The following PIGS variants were observed in gnomAD, a reference collection of about 807,000 sequenced individuals.
The protein encoded by PIGS is GPI-anchor transamidase component PIGS.
In PIGS, 37 loss-of-function variants were observed where a neutral mutation model predicts 58.2. The observed-to-expected ratio is 0.64, with a 90% CI of 0.49 to 0.84. PIGS has a LOEUF of 0.84. Ranked by LOEUF, PIGS falls within the 40% of genes least tolerant of loss-of-function variation. The pLI is 0.00. For missense variants in PIGS, 629 were observed against 710.8 expected (o/e 0.88, Z 1.31); for synonymous variants, 269 against 289.2 (o/e 0.93, Z 0.71).
Position 28,561,482 on chromosome 17 carries a change from C to G in PIGS, c.616G>C (p.Asp206His). Residue 206 changes from aspartate to histidine, a missense_variant, in exon 6 of 12, where the codon GAC becomes CAC. Transcript: ENST00000308360. The stretch of plus-strand genomic sequence containing the variant: ...CTCCACTTGTCCTCTGGAAGGTGGT[C>G]AGCCAGAGCAGCAGCAAGCACATCC... Reference protein sequence around the residue: ...TEDVLAAALADHLPEDKWSAE... With the variant: ...TEDVLAAALAHHLPEDKWSAE... The G allele has an allele frequency of 6.2e-7, 1 of 1,614,052 alleles. No homozygotes were observed. Among genetic ancestry groups the G allele is most frequent in the African/African-American group, 1.3e-5 (1 of 75,038 alleles).
chr17:28,571,133 C>T lies in PIGS; in HGVS notation c.90G>A (p.Leu30=). 2 of 1,613,928 alleles carry T rather than the reference C, an allele frequency of 1.2e-6. No homozygotes were observed. Among genetic ancestry groups the T allele is most frequent in the Non-Finnish European group, 1.7e-6 (2 of 1,180,036 alleles). ...ALFFAAVAIV[L]GLPLWWKTTE... ...TGGTCTTCCACCAGAGCGGTAGCCC[C>T]AGCACGATGGCCACCGCAGCGAAGA... Residue 30 remains leucine, a synonymous_variant, in exon 2 of 12, where the codon CTG becomes CTA. Transcript: ENST00000308360.
chr17:28,570,517 T>C (rs1016209917), intron 3 of PIGS, among the ~76,000 whole-genome samples: 3 of 152,204 alleles, frequency 2.0e-5, no homozygotes, highest in Non-Finnish European at 4.4e-5. Context: ...TCTCAAAATA[T>C]AATAAATAAA....
rs535456335 is a variant in PIGS, at chr17:28,564,485, G to A, written c.287-578C>T. 3.9e-5 allele frequency among the ~76,000 whole-genome samples: 6 copies of A among 152,076 alleles called. No homozygotes were observed. In the East Asian group the frequency reaches 7.7e-4, roughly 20 times the overall value. ...TCCCAGCACTTTGGGAGGCCAAGGCGGGTGGATCACCTGAGGTCAGGAGTT... is the reference window on the plus strand; with the variant it reads ...TCCCAGCACTTTGGGAGGCCAAGGCAGGTGGATCACCTGAGGTCAGGAGTT... On this transcript the variant is annotated intron_variant, in intron 3 of 11. Coordinates refer to ENST00000308360, the MANE Select transcript of PIGS (RefSeq NM_033198.4).
chr17:28,561,280 AT>A (rs2070362903), intron 6 of PIGS, 141 bp downstream of exon 6: 5 of 500,420 alleles, frequency 1.0e-5, no homozygotes, highest in African/African-American at 4.0e-5. Flanking sequence ...AAAAAAAATA[AT>A]AATAATAATA....
chr17:28,560,570 G>C (rs2070357544), intron 6 of PIGS, among the ~76,000 whole-genome samples: 1 of 152,006 alleles, frequency 6.6e-6, no homozygotes. Flanking sequence ...TTGAGGTTGG[G>C]ATTTCAAGAC....
rs1322435381 is a variant in PIGS at position 28,571,165 on chromosome 17, C to G, written c.58G>C (p.Ala20Pro). 6.2e-7 allele frequency: 1 copy of G among 1,613,428 alleles called. No homozygotes were observed. Among genetic ancestry groups the G allele is most frequent in the Non-Finnish European group, 8.5e-7 (1 of 1,179,968 alleles). ...HLEVARGKRA[A>P]LFFAAVAIVL... ...ATGGCCACCGCAGCGAAGAAGAGGG[C>G]GGCGCGCTTGCCCCGGGCCACCTCT... Residue 20 changes from alanine to proline, a missense_variant, in exon 2 of 12, where the codon GCC becomes CCC. Physicochemically the swap from Ala to Pro is conservative, Grantham distance 27 (BLOSUM62 -1). Transcript: ENST00000308360.
In PIGS at chr17:28,571,469, G is replaced by C. The variant is rs2070430505; in HGVS notation, c.28C>G (p.His10Asp). The change falls in exon 1 of 12, where the codon CAC (histidine) becomes GAC (aspartate). Residue 10 changes from histidine to aspartate, a missense_variant. Coordinates refer to ENST00000308360, the MANE Select transcript of PIGS (RefSeq NM_033198.4). ...CACCCGAAGCCCACCGCACCTAGGT[G>C]TGTAGCCGCAGCCCCGGCGGCCGCC... MAAAGAAAT[H>D]LEVARGKRAA... The C allele has an allele frequency of 6.2e-7, 1 of 1,609,902 alleles. No homozygotes were observed.
chr17:28,561,664 C>G (rs1421945907), intron 5 of PIGS, 35 bp from the exon 6 acceptor site: 1 of 1,576,910 alleles, frequency 6.3e-7, no homozygotes, highest in Non-Finnish European at 8.6e-7. Flanking sequence ...ATGCCCATGG[C>G]TCAGAAAAGA....
chr17:28,569,242 G>A (rs2070412953), intron 3 of PIGS, among the ~76,000 whole-genome samples: 1 of 151,956 alleles, frequency 6.6e-6, no homozygotes, highest in Admixed American at 6.6e-5. Flanking sequence ...TTGGGAGGCT[G>A]ATCACTTGAG....
chr17:28,563,809 T>G lies in PIGS; in HGVS notation c.376+9A>C. The G allele has an allele frequency of 6.2e-7, 1 of 1,607,846 alleles. No homozygotes were observed. The highest frequency in any genetic ancestry group is 8.5e-7 in the Non-Finnish European group (1 of 1,174,278). ...CACATTAAAATGGTGTGCTCATCCC[T>G]TCCCATACCTTGCACACTGCCCGAT... On this transcript the variant is annotated intron_variant, in intron 4 of 11. Transcript: ENST00000308360.
Position 28,558,591 on chromosome 17 carries a change from C to A in PIGS, c.820-1G>T. 6.2e-7 allele frequency: 1 copy of A among 1,602,138 alleles called. No individual in the cohort carries two copies. Among genetic ancestry groups the A allele is most frequent in the African/African-American group, 1.3e-5 (1 of 74,826 alleles). On this transcript the variant is annotated splice_acceptor_variant, in intron 7 of 11. Transcript: ENST00000308360. LOFTEE classifies it high-confidence loss of function. ...CCCCCAACATTGCATAGTAAAGAAT[C>A]TGTAGAGCAAACAGGGAGTGGTTAC...
At chr17:28,568,252 G>A (rs996600502) in intron 3 of PIGS, among the ~76,000 whole-genome samples, 4 of 151,902 alleles carry the variant, frequency 2.6e-5, no homozygotes, top group Non-Finnish European at 4.4e-5. Flanking sequence ...ACAGGCGCCC[G>A]CCACCACGCC....
chr17:28,554,719 G>A, intron 11 of PIGS, 132 bp downstream of exon 11: 2 of 1,306,108 alleles, frequency 1.5e-6, no homozygotes, highest in Non-Finnish European at 2.2e-6. Flanking sequence ...GCCGTCTAGA[G>A]GAAGGCTGGG....
chr17:28,560,214 A>G, intron 6 of PIGS, 23 bp from the exon 7 acceptor site: 1 of 1,606,320 alleles, frequency 6.2e-7, no homozygotes, highest in Non-Finnish European at 8.5e-7. Flanking sequence ...GAGTCAGGGA[A>G]GTCAGAGGCT....
At chr17:28,562,076 A>G (rs926714394) in intron 5 of PIGS, among the ~76,000 whole-genome samples, 11 of 152,280 alleles carry the variant, frequency 7.2e-5, no homozygotes, top group Non-Finnish European at 1.5e-5. Flanking sequence ...GTTTATGTTT[A>G]TACAATGATA....
intron 3 of PIGS, among the ~76,000 whole-genome samples, chr17:28,566,503 C>T (rs970523925): frequency 2.0e-5 from 3 of 151,462 alleles, no homozygotes; most frequent in Non-Finnish European, 4.4e-5. Context: ...GTTGAGCAGG[C>T]TGGTCTTGAA....
chr17:28,568,160 T>G (rs1208901719), intron 3 of PIGS, among the ~76,000 whole-genome samples: 9 of 152,014 alleles, frequency 5.9e-5, no homozygotes, highest in Non-Finnish European at 1.3e-4. Flanking sequence ...TGGAGTGCAG[T>G]GGTGGGATCT....
chr17:28,561,543 G>A lies in PIGS; in HGVS notation c.555C>T (p.Arg185=). 1 of 1,614,032 alleles carries A rather than the reference G, an allele frequency of 6.2e-7. No homozygotes were observed. Among genetic ancestry groups the A allele is most frequent in the Non-Finnish European group, 8.5e-7 (1 of 1,179,968 alleles). The change falls in exon 6 of 12, where the codon CGC becomes CGT. Residue 185 remains arginine, a synonymous_variant. Coordinates refer to ENST00000308360, the MANE Select transcript of PIGS (RefSeq NM_033198.4). ...HREAFNIIGR[R]IVQVAQAMSL... ...ACATGGCCTGGGCCACCTGGACTAT[G>A]CGGCGGCCAATGATGTTAAAGGCCT...
chr17:28,554,934 T>C lies in PIGS; in HGVS notation c.1309A>G (p.Thr437Ala), dbSNP rs1567614102. 6.2e-7 allele frequency: 1 copy of C among 1,613,838 alleles called. No homozygotes were observed. The highest frequency in any genetic ancestry group is 1.7e-5 in the Admixed American group (1 of 59,998). Residue 437 changes from threonine (T) to alanine (A), a missense_variant, in exon 11 of 12, where the codon ACA becomes GCA. Thr to Ala is a moderately conservative substitution (Grantham distance 58, BLOSUM62 0). Transcript: ENST00000308360. ...LWARSVENLA[T>A]ATTTLTSLAQ... is the part of the protein sequence containing the mutation. ...AGGGAGGTAAGGGTGGTGGTGGCTGTGGCCAGGTTCTCCACTGACCGAGCC... is the reference window on the plus strand; with the variant it reads ...AGGGAGGTAAGGGTGGTGGTGGCTGCGGCCAGGTTCTCCACTGACCGAGCC...
Sources: gnomAD v4.1 joint callset for allele counts (sites outside exome capture counted in the v4.1 genomes callset) on GRCh38, gnomAD v4.1.1 for gene constraint, MANE v1.5 for transcripts, NCBI Gene and HGNC (gene_info 2026-07-23, HGNC 2026-07-21) for gene names.